The following DCBLD1 variants were observed in gnomAD, a reference collection of about 807,000 sequenced individuals.
DCBLD1 encodes the protein discoidin, CUB and LCCL domain containing 1.
DCBLD1 carries 57 observed loss-of-function variants against 71.5 expected under a neutral mutation model. That is an observed-to-expected ratio of 0.80 (90% CI 0.64 to 0.99). The LOEUF is 0.99. Ranked by LOEUF, DCBLD1 falls within the 50% of genes least tolerant of loss-of-function variation. The pLI, the probability that DCBLD1 is intolerant of heterozygous loss-of-function variation, is 0.00. For synonymous variants in DCBLD1, 380 were observed against 363.8 expected (o/e 1.04, Z -0.51); for missense variants, 891 against 923.5 (o/e 0.96, Z 0.46).
At chr6:117,536,344 T>A (rs1778881323) in intron 6 of DCBLD1, among the ~76,000 whole-genome samples, 2 of 152,228 alleles carry the variant, frequency 1.3e-5, no homozygotes, top group Admixed American at 1.3e-4. Flanking sequence ...CCCCAGATTT[T>A]CCATTCGTTC....
chr6:117,563,520 G>T, intron 14 of DCBLD1: 1 of 739,046 alleles, frequency 1.4e-6, no homozygotes, highest in East Asian at 2.6e-5. Flanking sequence ...TTAGGGGTTC[G>T]AGACCAGCCT....
At chr6:117,549,910 A>G (rs1012819040), downstream of DCBLD1, 9 of 953,518 alleles carry the variant, frequency 9.4e-6, no homozygotes, top group African/African-American at 3.5e-5. Flanking sequence ...GCTTGGTGCC[A>G]GATTAGGCCA....
At chr6:117,569,791 G>T in exon 15 of DCBLD1, 1 of 1,462,574 alleles carries the variant, frequency 6.8e-7, no homozygotes, top group Non-Finnish European at 9.1e-7. Flanking sequence ...TACAGTTACC[G>T]ATTAATCTAG....
chr6:117,485,500 T>A (rs989017299), intron 1 of DCBLD1, among the ~76,000 whole-genome samples: 12 of 152,326 alleles, frequency 7.9e-5, no homozygotes, highest in Admixed American at 2.0e-4. Context: ...GTGGCTTTTT[T>A]AAAAATCAGC....
downstream of DCBLD1, among the ~76,000 whole-genome samples, chr6:117,551,991 T>G (rs995005871): frequency 6.6e-6 from 1 of 151,954 alleles, no homozygotes; most frequent in African/African-American, 2.4e-5. Flanking sequence ...CCAGTTGTAG[T>G]GGTGCAAGCC....
chr6:117,534,083 C>T (rs1214641433), intron 6 of DCBLD1, among the ~76,000 whole-genome samples: 1 of 152,166 alleles, frequency 6.6e-6, no homozygotes, highest in Non-Finnish European at 1.5e-5. Flanking sequence ...TTACTTTCCC[C>T]TTCTGGATAG....
At chr6:117,528,933 TG>T (rs1778627445) in intron 5 of DCBLD1, among the ~76,000 whole-genome samples, 1 of 152,086 alleles carries the variant, frequency 6.6e-6, no homozygotes, top group Admixed American at 6.6e-5. Context: ...CTCCACTTCC[TG>T]GGTTCACGCC....
chr6:117,486,070 CTG>C (rs1287237015), intron 1 of DCBLD1, among the ~76,000 whole-genome samples: 2 of 152,200 alleles, frequency 1.3e-5, no homozygotes, highest in Non-Finnish European at 2.9e-5. Flanking sequence ...ATGTCCCAAA[CTG>C]TTTTTATTAA....
chr6:117,541,881 C>T (rs1779107683), intron 11 of DCBLD1, among the ~76,000 whole-genome samples: 1 of 151,990 alleles, frequency 6.6e-6, no homozygotes, highest in African/African-American at 2.4e-5. Flanking sequence ...GGTTGAAAAC[C>T]CCAATTATTA....
intron 3 of DCBLD1, among the ~76,000 whole-genome samples, chr6:117,520,855 C>G (rs940655204): frequency 6.6e-6 from 1 of 152,218 alleles, no homozygotes. Flanking sequence ...ACAGCAGATG[C>G]CTGCATTGCC....
At chr6:117,486,558 G>A (rs1185822660) in intron 1 of DCBLD1, among the ~76,000 whole-genome samples, 1 of 152,020 alleles carries the variant, frequency 6.6e-6, no homozygotes, top group African/African-American at 2.4e-5. Flanking sequence ...TGGTTTTTTT[G>A]CTATTTCTCC....
At chr6:117,560,406 A>T (rs759945842) in intron 14 of DCBLD1, 1 of 187,470 alleles carries the variant, frequency 5.3e-6, no homozygotes, top group South Asian at 2.0e-4. Context: ...CATAAATGCA[A>T]TAGATTTGAG....
intron 6 of DCBLD1, among the ~76,000 whole-genome samples, chr6:117,533,660 G>A (rs1457695079): frequency 6.6e-6 from 1 of 152,142 alleles, no homozygotes; most frequent in Non-Finnish European, 1.5e-5. Context: ...TAAACTTTGG[G>A]ACTAACACCC....
chr6:117,535,436 G>C (rs908053539), intron 6 of DCBLD1, among the ~76,000 whole-genome samples: 4 of 152,128 alleles, frequency 2.6e-5, no homozygotes, highest in African/African-American at 9.7e-5. Context: ...GAATGCTTCA[G>C]AACCCTAACC....
intron 9 of DCBLD1, 138 bp from the exon 10 acceptor site, chr6:117,540,530 C>A: frequency 2.0e-6 from 2 of 994,052 alleles, no homozygotes; most frequent in Middle Eastern, 3.1e-4. Context: ...CTCGTATCTT[C>A]AATATCAAGA....
At chr6:117,537,114 G>A in intron 6 of DCBLD1, 71 bp from the exon 7 acceptor site, 1 of 1,499,162 alleles carries the variant, frequency 6.7e-7, no homozygotes, top group Non-Finnish European at 9.3e-7. Context: ...TGAGCCCTGG[G>A]ATGTAGCTAT....
chr6:117,551,664 C>G (rs1363004323), downstream of DCBLD1, among the ~76,000 whole-genome samples: 4 of 152,176 alleles, frequency 2.6e-5, no homozygotes, highest in Non-Finnish European at 5.9e-5. Flanking sequence ...CAGGCGTGAG[C>G]CACCGCGCCC....
intron 1 of DCBLD1, among the ~76,000 whole-genome samples, chr6:117,501,222 A>T (rs969643126): frequency 1.3e-5 from 2 of 152,218 alleles, no homozygotes; most frequent in Non-Finnish European, 1.5e-5. Context: ...GAAATGAGTA[A>T]CAAGGACCTG....
chr6:117,548,163 A>G lies in DCBLD1; in HGVS notation c.1872A>G (p.Pro624=), dbSNP rs1488727322. Reference sequence around the variant, plus strand: ...CTGCGCAGAGCGGCTACCGCGTCCCAGGGCCCCAGCCCGGCCACAAACACT... The same window carrying G: ...CTGCGCAGAGCGGCTACCGCGTCCCGGGGCCCCAGCCCGGCCACAAACACT... ...TFSAQSGYRV[P]GPQPGHKHSL... is the part of the protein sequence containing the mutation. The change falls in exon 15 of 15, where the codon CCA becomes CCG. Residue 624 remains proline, a synonymous_variant. Coordinates refer to ENST00000338728, the MANE Select transcript of DCBLD1 (RefSeq NM_001366458.2). The G allele has an allele frequency of 4.5e-6, 7 of 1,550,040 alleles. No homozygotes were observed. In the African/African-American group the frequency reaches 6.8e-5, roughly 15 times the overall value.
Sources: allele counts gnomAD v4.1 joint callset (sites outside exome capture counted in the v4.1 genomes callset), GRCh38; gene constraint gnomAD v4.1.1; transcripts MANE v1.5; gene names NCBI Gene and HGNC (gene_info 2026-07-23, HGNC 2026-07-21).